The following SOCS2 variants were observed in gnomAD, a reference collection of about 807,000 sequenced individuals.
The protein encoded by SOCS2 is CIS-2.
In SOCS2, 10 loss-of-function variants were observed where a neutral mutation model predicts 18.6. The ratio of observed to expected loss-of-function variants is 0.54; its 90% CI spans 0.33 to 0.91. The LOEUF (loss-of-function observed/expected upper bound fraction) is 0.91, where lower values mean the gene tolerates loss of function less well. Ranked by LOEUF, SOCS2 falls within the 40% of genes least tolerant of loss-of-function variation. SOCS2 has a pLI of 0.02. For synonymous variants in SOCS2, 104 were observed against 104.0 expected, an observed-to-expected ratio of 1.00 and a Z score of 0.00; for missense variants, 231 against 247.2, an observed-to-expected ratio of 0.93 and a Z score of 0.44.
the SOCS2 span, among the ~76,000 whole-genome samples, chr12:93,591,762 G>T: frequency 6.6e-6 from 1 of 152,294 alleles, no homozygotes; most frequent in East Asian, 1.9e-4. Flanking sequence ...ACGTCAAGGC[G>T]TTTCACTTTG....
At chr12:93,587,153 G>T (rs1259984763), downstream of SOCS2, among the ~76,000 whole-genome samples, 1 of 152,166 alleles carries the variant, frequency 6.6e-6, no homozygotes, top group Non-Finnish European at 1.5e-5. Context: ...GGGTGACAGA[G>T]TGAGACTGTC....
At chr12:93,622,546 C>T in the SOCS2 span, among the ~76,000 whole-genome samples, 3 of 152,274 alleles carry the variant, frequency 2.0e-5, no homozygotes, top group Non-Finnish European at 4.4e-5. Flanking sequence ...TTTTACTGGT[C>T]TCTTTTCCTT....
At chr12:93,577,437 C>T (rs748892347), downstream of SOCS2, among the ~76,000 whole-genome samples, 31 of 151,828 alleles carry the variant, frequency 2.0e-4, no homozygotes, top group Admixed American at 6.6e-4. Flanking sequence ...TTCCCAAGAA[C>T]GAAATGAGCA....
At chr12:93,619,893 C>G in the SOCS2 span, among the ~76,000 whole-genome samples, 1 of 152,244 alleles carries the variant, frequency 6.6e-6, no homozygotes, top group African/African-American at 2.4e-5. Flanking sequence ...TGGATCACCA[C>G]AGCCAAAGGT....
the SOCS2 span, among the ~76,000 whole-genome samples, chr12:93,595,453 A>G: frequency 2.0e-5 from 3 of 152,158 alleles, no homozygotes; most frequent in South Asian, 2.1e-4. Flanking sequence ...TTTGTTGTCA[A>G]CTTTAATGTA....
chr12:93,585,311 C>T (rs1210020173), downstream of SOCS2, among the ~76,000 whole-genome samples: 1 of 152,166 alleles, frequency 6.6e-6, no homozygotes, highest in Non-Finnish European at 1.5e-5. Flanking sequence ...CAGAACCAGG[C>T]TGATGAAGCA....
the SOCS2 span, among the ~76,000 whole-genome samples, chr12:93,599,653 G>T: frequency 2.6e-5 from 4 of 152,182 alleles, no homozygotes; most frequent in Non-Finnish European, 5.9e-5. Flanking sequence ...TTTAATAGAT[G>T]ATTAGGTCAT....
At chr12:93,573,109 G>T in intron 1 of SOCS2, 73 bp downstream of exon 1, 2 of 1,517,476 alleles carry the variant, frequency 1.3e-6, no homozygotes, top group East Asian at 2.4e-5. Flanking sequence ...AAGCGGGGTC[G>T]AGGTGGGAAG....
the SOCS2 span, among the ~76,000 whole-genome samples, chr12:93,589,826 T>C: frequency 6.6e-6 from 1 of 152,092 alleles, no homozygotes; most frequent in Non-Finnish European, 1.5e-5. Flanking sequence ...AGGGACTTAG[T>C]GTTATTAGAA....
chr12:93,590,374 A>G, the SOCS2 span, among the ~76,000 whole-genome samples: 1 of 152,188 alleles, frequency 6.6e-6, no homozygotes, highest in Admixed American at 6.5e-5. Context: ...ATTTTCCAAT[A>G]ACATTTCTCA....
downstream of SOCS2, among the ~76,000 whole-genome samples, chr12:93,587,632 G>C (rs946952042): frequency 3.3e-5 from 5 of 149,936 alleles, no homozygotes; most frequent in Non-Finnish European, 7.4e-5. Flanking sequence ...AGTGAGCTGA[G>C]ATTGTGCCAC....
the SOCS2 span, among the ~76,000 whole-genome samples, chr12:93,602,696 G>C: frequency 6.6e-6 from 1 of 152,158 alleles, no homozygotes; most frequent in Non-Finnish European, 1.5e-5. Flanking sequence ...GGTCAGGGCA[G>C]TTCACAGGGT....
downstream of SOCS2, among the ~76,000 whole-genome samples, chr12:93,581,356 C>T (rs1458861106): frequency 6.6e-6 from 1 of 151,972 alleles, no homozygotes; most frequent in Non-Finnish European, 1.5e-5. Flanking sequence ...TATTTGTAGC[C>T]TCTTTTATAC....
At chr12:93,623,617 A>T in the SOCS2 span, among the ~76,000 whole-genome samples, 1 of 152,182 alleles carries the variant, frequency 6.6e-6, no homozygotes, top group Non-Finnish European at 1.5e-5. Flanking sequence ...GATGCCATTT[A>T]AAATGCTGTA....
the SOCS2 span, among the ~76,000 whole-genome samples, chr12:93,598,732 A>G: frequency 6.6e-6 from 1 of 152,174 alleles, no homozygotes; most frequent in Non-Finnish European, 1.5e-5. Context: ...CTATTAATTT[A>G]CTTATTAGTA....
At chr12:93,610,974 A>G in the SOCS2 span, among the ~76,000 whole-genome samples, 1 of 152,184 alleles carries the variant, frequency 6.6e-6, no homozygotes, top group African/African-American at 2.4e-5. Flanking sequence ...TATTTCTAAA[A>G]GTTGAGAATT....
the SOCS2 span, among the ~76,000 whole-genome samples, chr12:93,624,390 G>A: frequency 1.6e-3 from 248 of 152,278 alleles, no homozygotes; most frequent in African/African-American, 5.7e-3. Flanking sequence ...GACCAACATG[G>A]TGAAACCTTG....
chr12:93,616,064 C>T, the SOCS2 span, among the ~76,000 whole-genome samples: 3 of 152,212 alleles, frequency 2.0e-5, no homozygotes, highest in Non-Finnish European at 4.4e-5. Flanking sequence ...GGGGAATCAG[C>T]CCTTCCCACT....
downstream of SOCS2, among the ~76,000 whole-genome samples, chr12:93,578,094 G>A (rs911207107): frequency 6.6e-6 from 1 of 152,184 alleles, no homozygotes; most frequent in African/African-American, 2.4e-5. Flanking sequence ...ATTACAGTGA[G>A]CAGTGGTGAT....
Sources: allele counts gnomAD v4.1 joint callset (sites outside exome capture counted in the v4.1 genomes callset), GRCh38; gene constraint gnomAD v4.1.1; transcripts MANE v1.5; gene names NCBI Gene and HGNC (gene_info 2026-07-23, HGNC 2026-07-21).